Variants in SLF1 observed in about 807,000 individuals in gnomAD.
SLF1 encodes SMC5/6 complex localization factor 1, also known as SMC5-SMC6 complex localization factor protein 1.
A neutral mutation model predicts 123.0 loss-of-function variants in SLF1; 105 were observed. The observed-to-expected ratio is 0.85, with a 90% confidence interval of 0.73 to 1.00. The LOEUF (loss-of-function observed/expected upper bound fraction) is 1.00. Among genes scored for constraint, SLF1 ranks in the 50% least tolerant of loss-of-function variants. The pLI, the probability that SLF1 is intolerant of heterozygous loss-of-function variation, is 0.00. For synonymous variants in SLF1, 434 were observed against 406.6 expected (o/e 1.07, Z -0.81); for missense variants, 1,239 against 1,223.0 (o/e 1.01, Z -0.20).
chr5:94,677,020 A>G (rs1385738241), intron 14 of SLF1, among the ~76,000 whole-genome samples: 2 of 152,208 alleles, frequency 1.3e-5, no homozygotes, highest in African/African-American at 4.8e-5. Flanking sequence ...AATATGTGCT[A>G]GTTTGGTCTG....
intron 1 of SLF1, among the ~76,000 whole-genome samples, chr5:94,625,002 C>G (rs1181576098): frequency 6.6e-6 from 1 of 150,888 alleles, no homozygotes; most frequent in Non-Finnish European, 1.5e-5. Context: ...CTAGATAACA[C>G]AGTGAAACCC....
rs1753436615 is a variant in SLF1, at chr5:94,695,137, G to T, written c.3002G>T (p.Ser1001Ile). The T allele has an allele frequency of 6.2e-7, 1 of 1,612,540 alleles. No individual in the cohort carries two copies. Among genetic ancestry groups the T allele is most frequent in the South Asian group, 1.1e-5 (1 of 91,064 alleles). Residue 1001 changes from serine (S) to isoleucine (I), a missense_variant, in exon 21 of 21, where the codon AGT (serine) becomes ATT (isoleucine). Physicochemically the swap from Ser to Ile is moderately radical, Grantham distance 142. Transcript: ENST00000265140. ...TGTAAAAGTCATAAAGAAACCACCA[G>T]TGTTCATACTGACTGGTTACTGGAT... ...MACKSHKETT[S>I]VHTDWLLDLY... is the part of the protein sequence containing the mutation.
chr5:94,643,897 T>G (rs1039550480), intron 5 of SLF1, among the ~76,000 whole-genome samples: 8 of 152,220 alleles, frequency 5.3e-5, no homozygotes, highest in Admixed American at 3.9e-4. Flanking sequence ...AGAAGAATTT[T>G]AAGAGCACTC....
At chr5:94,621,106 C>G (rs1791746067) in intron 1 of SLF1, among the ~76,000 whole-genome samples, 1 of 152,132 alleles carries the variant, frequency 6.6e-6, no homozygotes, top group African/African-American at 2.4e-5. Context: ...TATTGCTGTT[C>G]TAAATGTCTT....
intron 12 of SLF1, among the ~76,000 whole-genome samples, chr5:94,667,775 A>G (rs1016599644): frequency 5.3e-5 from 8 of 151,922 alleles, no homozygotes; most frequent in Non-Finnish European, 1.2e-4. Flanking sequence ...TTTGTTTTTT[A>G]AGACACTCTG....
At chr5:94,679,068 T>C in intron 15 of SLF1, 113 bp downstream of exon 15, 1 of 1,187,168 alleles carries the variant, frequency 8.4e-7, no homozygotes, top group Non-Finnish European at 1.2e-6. Context: ...TTCCTTAAAA[T>C]AGTTATGGAT....
chr5:94,694,943 G>T lies in SLF1; in HGVS notation c.2808G>T (p.Val936=). ...CTATTACAAAAATAGAAGATACAGT[G>T]GAGAACTTTCATGCACAAGCAGAGA... ...LFAITKIEDT[V]ENFHAQAEKH... The change falls in exon 21 of 21, where the codon GTG becomes GTT. Residue 936 remains valine (V), a synonymous_variant. Transcript: ENST00000265140. The T allele has an allele frequency of 6.2e-7, 1 of 1,612,486 alleles. No homozygotes were observed. Among genetic ancestry groups the T allele is most frequent in the Non-Finnish European group, 8.5e-7 (1 of 1,179,082 alleles).
At position 94,697,171 on chromosome 5, in the gene SLF1, C is replaced by T. The variant is rs1469459969; in HGVS notation, c.*1859C>T. 6.6e-6 allele frequency: 1 copy of T among 151,826 alleles called. No homozygotes were observed. Among genetic ancestry groups the T allele is most frequent in the Non-Finnish European group, 1.5e-5 (1 of 67,882 alleles). 9.4% of individuals were successfully genotyped at this position (151,826 alleles called of 1,614,324 possible). On this transcript the variant is annotated 3_prime_UTR_variant, in exon 21 of 21. Coordinates refer to ENST00000265140, the MANE Select transcript of SLF1 (RefSeq NM_032290.4). ...ATGACATGAAGTGTGAAACAGATGT[C>T]ACTGAGGTCTCTGCCTTTAAGAAGT...
Position 94,689,705 on chromosome 5 carries a change from TA to T in SLF1, c.2419+102del, listed in dbSNP as rs958453774. ...ATTTGCCCTGATGAATACTTGAACT[TA>T]AATATTGGACTAGGTCCAGGAAGTA... On this transcript the variant is annotated intron_variant, in intron 18 of 20. Transcript: ENST00000265140. The T allele has an allele frequency of 2.8e-6, 3 of 1,082,622 alleles. No individual in the cohort carries two copies. In the African/African-American group the frequency reaches 4.8e-5, roughly 17 times the overall value. 67.1% of individuals were successfully genotyped at this position (1,082,622 alleles called of 1,614,324 possible). A position where few individuals can be genotyped will look rare whatever the true frequency, so the allele number is the denominator to read the frequency against.
rs1753543149 is a variant in SLF1, at chr5:94,696,919, CCT to C, written c.*1610_*1611del. On this transcript the variant is annotated 3_prime_UTR_variant, in exon 21 of 21. Coordinates refer to ENST00000265140, the MANE Select transcript of SLF1 (RefSeq NM_032290.4). Reference sequence around the variant, plus strand: ...ATTATTTCCTTTCTAATTCTTACCTCCTCTTTTGATTATAATGAATCATTTAG... The same window carrying C: ...ATTATTTCCTTTCTAATTCTTACCTCCTTTTGATTATAATGAATCATTTAG... 1 of 151,798 alleles carries C rather than the reference CCT, an allele frequency of 6.6e-6. No homozygotes were observed. The highest frequency in any genetic ancestry group is 2.1e-4 in the South Asian group (1 of 4,830). The allele number at this position is 151,798 out of a possible 1,614,324, so 9.4% of individuals were successfully genotyped here.
intron 9 of SLF1, among the ~76,000 whole-genome samples, chr5:94,659,897 G>A (rs1347553140): frequency 6.6e-6 from 1 of 152,140 alleles, no homozygotes; most frequent in Non-Finnish European, 1.5e-5. Flanking sequence ...CGTGATGGCA[G>A]TAGTGGTTGT....
At chr5:94,662,372 T>C (rs544072428) in intron 10 of SLF1, 21 bp downstream of exon 10, 2 of 1,527,340 alleles carry the variant, frequency 1.3e-6, no homozygotes, top group Admixed American at 2.1e-5. Flanking sequence ...TGGAGCAGCA[T>C]TGGTGATGGG....
At position 94,678,864 on chromosome 5, in the gene SLF1, T is replaced by A. The variant is rs777381129; in HGVS notation, c.1884T>A (p.Asp628Glu). Residue 628 changes from aspartate to glutamate, a missense_variant, in exon 15 of 21, where the codon GAT (aspartate) becomes GAA (glutamate). Coordinates refer to ENST00000265140, the MANE Select transcript of SLF1 (RefSeq NM_032290.4). ...LLAGILGAAI[D>E]YWIFLGLKMG... ...CTGGAATTCTTGGAGCAGCAATAGA[T>A]TATTGGATTTTCCTTGGTCTTAAGA... 6.2e-7 allele frequency: 1 copy of A among 1,613,684 alleles called. No homozygotes were observed. Among genetic ancestry groups the A allele is most frequent in the Non-Finnish European group, 8.5e-7 (1 of 1,179,728 alleles).
In SLF1 at chr5:94,688,551, TC is replaced by T; in HGVS notation, c.2168del (p.Ser723LeufsTer10). The T allele has an allele frequency of 6.2e-7, 1 of 1,614,114 alleles. No homozygotes were observed. On this transcript the variant is annotated frameshift_variant, in exon 17 of 21. Coordinates refer to ENST00000265140, the MANE Select transcript of SLF1 (RefSeq NM_032290.4). LOFTEE classifies it high-confidence loss of function. ...CTTGGGGAAAACTGGTGTGCTTGGG[TC>T]TGGAAAGATTCAGGTGTCAAAGAAA... ...PALGKTGVLGSGKIQVSKKIG... is the reference protein window; with the variant it reads ...PALGKTGVLGXGKIQVSKKIG...
At chr5:94,663,676 T>G (rs898644139) in intron 10 of SLF1, 74 bp from the exon 11 acceptor site, 7 of 1,149,452 alleles carry the variant, frequency 6.1e-6, no homozygotes, top group Non-Finnish European at 7.2e-6. Context: ...AATAATAAAT[T>G]CTTACTAATT....
chr5:94,693,952 A>G (rs1753311817), intron 20 of SLF1, among the ~76,000 whole-genome samples: 2 of 152,018 alleles, frequency 1.3e-5, no homozygotes, highest in South Asian at 4.1e-4. Context: ...AGTCATCATT[A>G]TGAATTTTAG....
chr5:94,650,422 G>A (rs10058130), intron 6 of SLF1, among the ~76,000 whole-genome samples: 37,774 of 149,776 alleles, frequency 0.25, 5,091 homozygotes, highest in Non-Finnish European at 0.29. Flanking sequence ...GACTGCAGTG[G>A]CACTATCTCG....
chr5:94,652,443 G>T (rs1359042435), intron 7 of SLF1, among the ~76,000 whole-genome samples: 1 of 151,972 alleles, frequency 6.6e-6, no homozygotes, highest in Non-Finnish European at 1.5e-5. Flanking sequence ...AACTGATATG[G>T]TTTAGCTTTG....
At chr5:94,670,060 C>T (rs954502172) in intron 12 of SLF1, 91 bp from the exon 13 acceptor site, 1 of 1,218,816 alleles carries the variant, frequency 8.2e-7, no homozygotes, top group Non-Finnish European at 1.1e-6. Context: ...TATTAAAATT[C>T]CAGCAGTATT....
Sources: allele counts gnomAD v4.1 joint callset (sites outside exome capture counted in the v4.1 genomes callset), GRCh38; gene constraint gnomAD v4.1.1; transcripts MANE v1.5; gene names NCBI Gene and HGNC (gene_info 2026-07-23, HGNC 2026-07-21).